Variants in GPC6 observed in about 807,000 individuals in gnomAD.
The protein encoded by GPC6 is glypican 6.
A neutral mutation model predicts 55.2 loss-of-function variants in GPC6; 14 were observed. That is an observed-to-expected ratio of 0.25 (90% CI 0.17 to 0.40). The LOEUF (loss-of-function observed/expected upper bound fraction) is 0.40. GPC6 is among the 10% of genes least tolerant of loss of function. GPC6 has a pLI of 1.00. For synonymous variants in GPC6, 278 were observed against 259.6 expected, an observed-to-expected ratio of 1.07 and a Z score of -0.68; for missense variants, 641 against 708.5, an observed-to-expected ratio of 0.90 and a Z score of 1.08.
intron 3 of GPC6, among the ~76,000 whole-genome samples, chr13:93,896,977 TC>T (rs1876048102): frequency 7.2e-6 from 1 of 138,396 alleles, no homozygotes; most frequent in Non-Finnish European, 1.5e-5. Context: ...GGTTTAAACC[TC>T]ATTATTCTTT....
chr13:93,660,700 A>G (rs1021406783), intron 2 of GPC6, among the ~76,000 whole-genome samples: 13 of 152,180 alleles, frequency 8.5e-5, no homozygotes, highest in Non-Finnish European at 1.8e-4. Flanking sequence ...ATTTGGGCTG[A>G]GGGTGAGAGA....
At chr13:93,288,030 A>C (rs1878195289) in intron 1 of GPC6, among the ~76,000 whole-genome samples, 1 of 152,178 alleles carries the variant, frequency 6.6e-6, no homozygotes, top group African/African-American at 2.4e-5. Context: ...ATTTTAAGTA[A>C]AATTTACTAA....
At chr13:93,383,014 C>T (rs1342806122) in intron 1 of GPC6, among the ~76,000 whole-genome samples, 5 of 152,032 alleles carry the variant, frequency 3.3e-5, no homozygotes, top group South Asian at 2.1e-4. Context: ...TCCATAATTG[C>T]GGTCTAGAGT....
At chr13:93,316,671 C>T (rs1288683753) in intron 1 of GPC6, among the ~76,000 whole-genome samples, 1 of 152,040 alleles carries the variant, frequency 6.6e-6, no homozygotes, top group African/African-American at 2.4e-5. Context: ...GCCCTTATTA[C>T]ATGCTAACAC....
At chr13:94,262,628 G>T (rs925921774) in intron 4 of GPC6, among the ~76,000 whole-genome samples, 1 of 149,436 alleles carries the variant, frequency 6.7e-6, no homozygotes, top group Non-Finnish European at 1.5e-5. Flanking sequence ...AGACGAGATC[G>T]TGCCACTGCA....
intron 4 of GPC6, among the ~76,000 whole-genome samples, chr13:94,054,624 A>G (rs1884069396): frequency 6.6e-6 from 1 of 152,064 alleles, no homozygotes; most frequent in South Asian, 2.1e-4. Context: ...TGAAAACTCA[A>G]CAATCATCTT....
rs146047327 is a variant in GPC6, at chr13:93,852,559, G to C, written c.711+22014G>C. 4.7e-3 allele frequency among the ~76,000 whole-genome samples: 708 copies of C among 151,798 alleles called. 2 individuals carry two copies. Among genetic ancestry groups the C allele is most frequent in the South Asian group, 0.011 (51 of 4,826 alleles). On this transcript the variant is annotated intron_variant, in intron 3 of 8. Coordinates refer to ENST00000377047, the MANE Select transcript of GPC6 (RefSeq NM_005708.5). Reference sequence around the variant, plus strand: ...TACTACCAGCTTTTCCTAAAGTAGAGCCTACAGTATAAAGTTAAAAGTAAA... The same window carrying C: ...TACTACCAGCTTTTCCTAAAGTAGACCCTACAGTATAAAGTTAAAAGTAAA...
At chr13:94,041,208 T>C (rs974786627) in intron 4 of GPC6, among the ~76,000 whole-genome samples, 2 of 151,834 alleles carry the variant, frequency 1.3e-5, no homozygotes. Flanking sequence ...AGTATATGCC[T>C]CATTCTGCAA....
chr13:94,250,411 C>T (rs1594097824), intron 4 of GPC6, among the ~76,000 whole-genome samples: 1 of 152,230 alleles, frequency 6.6e-6, no homozygotes, highest in South Asian at 2.1e-4. Flanking sequence ...AATATTTTAT[C>T]AATGGTCAAT....
chr13:94,236,370 C>T (rs569635920), intron 4 of GPC6, among the ~76,000 whole-genome samples: 1 of 152,148 alleles, frequency 6.6e-6, no homozygotes, highest in South Asian at 2.1e-4. Context: ...GTATTTTAGT[C>T]CTTGAACTAA....
intron 3 of GPC6, among the ~76,000 whole-genome samples, chr13:93,930,756 G>A (rs1878125475): frequency 6.6e-6 from 1 of 151,942 alleles, no homozygotes; most frequent in Admixed American, 6.6e-5. Flanking sequence ...GATTTAAGAT[G>A]GGCACAGAGT....
chr13:94,047,784 C>T (rs1007924230), intron 4 of GPC6, among the ~76,000 whole-genome samples: 5 of 152,054 alleles, frequency 3.3e-5, no homozygotes, highest in African/African-American at 4.8e-5. Context: ...ATTTATATAA[C>T]GTTTTGTTTA....
intron 1 of GPC6, among the ~76,000 whole-genome samples, chr13:93,497,671 T>G (rs1165784006): frequency 6.6e-6 from 1 of 152,204 alleles, no homozygotes; most frequent in African/African-American, 2.4e-5. Flanking sequence ...TGATAACGTA[T>G]CAGGTCTTTA....
chr13:93,945,166 A>T (rs1043563748), intron 3 of GPC6, among the ~76,000 whole-genome samples: 2 of 152,210 alleles, frequency 1.3e-5, no homozygotes, highest in African/African-American at 4.8e-5. Context: ...TATATGTCTA[A>T]ACGTAGGTTT....
At chr13:93,979,327 GTT>G (rs1247697047) in intron 3 of GPC6, among the ~76,000 whole-genome samples, 1 of 142,668 alleles carries the variant, frequency 7.0e-6, no homozygotes, top group African/African-American at 2.8e-5. Context: ...GTTTGTGTGT[GTT>G]TTTTTGTGTG....
chr13:94,267,212 A>C (rs1413676639), intron 4 of GPC6, among the ~76,000 whole-genome samples: 1 of 152,116 alleles, frequency 6.6e-6, no homozygotes, highest in Non-Finnish European at 1.5e-5. Context: ...TTGTCCAGTC[A>C]ATATAATTTT....
At position 94,407,090 on chromosome 13, in the gene GPC6, CATGGTTTGCT is replaced by C. The variant is rs2139239092; in HGVS notation, c.*3878_*3887del. ...TACACATTCTGGAGACTTGCTATAT[CATGGTTTGCT>C]ATGGCACAGACTCAGCTTAGCATGG... On this transcript the variant is annotated 3_prime_UTR_variant, in exon 9 of 9. Coordinates refer to ENST00000377047, the MANE Select transcript of GPC6 (RefSeq NM_005708.5). The C allele has an allele frequency of 6.6e-6, 1 of 152,136 alleles. No individual in the cohort carries two copies. The highest frequency in any genetic ancestry group is 2.1e-4 in the South Asian group (1 of 4,816). The allele number at this position is 152,136 out of a possible 1,614,324, so 9.4% of individuals were successfully genotyped here.
intron 2 of GPC6, among the ~76,000 whole-genome samples, chr13:93,593,592 A>G (rs1288067961): frequency 1.3e-5 from 2 of 152,156 alleles, no homozygotes; most frequent in Non-Finnish European, 2.9e-5. Flanking sequence ...GAACACTAAA[A>G]TAATTGTATT....
chr13:93,397,642 C>T (rs1031472969), intron 1 of GPC6, among the ~76,000 whole-genome samples: 1 of 152,110 alleles, frequency 6.6e-6, no homozygotes, highest in Non-Finnish European at 1.5e-5. Context: ...CCTTTATGTG[C>T]CAGGTACTGT....
Sources: allele counts gnomAD v4.1 joint callset (sites outside exome capture counted in the v4.1 genomes callset), GRCh38; gene constraint gnomAD v4.1.1; transcripts MANE v1.5; gene names NCBI Gene and HGNC (gene_info 2026-07-23, HGNC 2026-07-21).